NTRK2: variants seen among roughly 807,000 people sequenced by gnomAD.
NTRK2 encodes neurotrophic receptor tyrosine kinase 2, also known as BDNF/NT-3 growth factors receptor.
NTRK2 carries 13 observed loss-of-function variants against 94.5 expected under a neutral mutation model. That is an observed-to-expected ratio of 0.14 (90% CI 0.09 to 0.22). The LOEUF (loss-of-function observed/expected upper bound fraction) is 0.22, where lower values mean the gene tolerates loss of function less well. Among genes scored for constraint, NTRK2 ranks in the 10% least tolerant of loss-of-function variants. NTRK2 has a pLI of 1.00. For missense variants in NTRK2, 639 were observed against 1,071.2 expected, an observed-to-expected ratio of 0.60 and a Z score of 5.63; for synonymous variants, 372 against 407.4, an observed-to-expected ratio of 0.91 and a Z score of 1.05.
chr9:84,874,464 C>T (rs1007555137), intron 14 of NTRK2: 3 of 1,065,964 alleles, frequency 2.8e-6, no homozygotes, highest in Non-Finnish European at 2.3e-6. Context: ...GATTAATTGT[C>T]ATGCCAGGTC....
At chr9:84,945,544 C>G (rs1350480030) in intron 15 of NTRK2, among the ~76,000 whole-genome samples, 4 of 152,172 alleles carry the variant, frequency 2.6e-5, no homozygotes, top group African/African-American at 7.2e-5. Context: ...TATTTTTCTA[C>G]TGTGAAGTTC....
At chr9:84,677,367 T>C (rs2059123782) in intron 2 of NTRK2, among the ~76,000 whole-genome samples, 1 of 152,194 alleles carries the variant, frequency 6.6e-6, no homozygotes, top group Non-Finnish European at 1.5e-5. Flanking sequence ...TTCAGGATTA[T>C]TGGCTCCCAT....
chr9:84,856,621 G>C (rs1337557817), intron 12 of NTRK2, among the ~76,000 whole-genome samples: 1 of 152,156 alleles, frequency 6.6e-6, no homozygotes, highest in Non-Finnish European at 1.5e-5. Flanking sequence ...GCAGCCCGGG[G>C]ACTCCTCTTT....
rs199940453 is a variant in NTRK2 at position 85,020,166 on chromosome 9, G to A, written c.2173-40G>A. ...GCAGCTCCCTTCCACACCTGGTTTC[G>A]GGGTGACTGATGCCTCCCTGTTGAT... On this transcript the variant is annotated intron_variant, in intron 17 of 18. Transcript: ENST00000277120. The A allele has an allele frequency of 2.7e-5, 43 of 1,612,398 alleles. 1 individual carries two copies. Among genetic ancestry groups the A allele is most frequent in the Non-Finnish European group, 2.3e-5 (27 of 1,179,254 alleles).
At chr9:84,749,786 G>A (rs1373395286) in intron 11 of NTRK2, among the ~76,000 whole-genome samples, 1 of 152,186 alleles carries the variant, frequency 6.6e-6, no homozygotes, top group East Asian at 1.9e-4. Flanking sequence ...GCAGCAGAGT[G>A]AGAAATCTAG....
At chr9:84,875,481 C>A in intron 14 of NTRK2, 3 of 1,063,130 alleles carry the variant, frequency 2.8e-6, no homozygotes, top group Non-Finnish European at 3.4e-6. Context: ...CAGATAACTC[C>A]AAATGCAGTT....
At chr9:84,871,687 T>G (rs1203057517) in intron 14 of NTRK2, 1 of 971,148 alleles carries the variant, frequency 1.0e-6, no homozygotes, top group East Asian at 2.4e-5. Context: ...AGGGTTTCAT[T>G]TACAAAGTCC....
chr9:84,683,642 A>G (rs567580638), intron 2 of NTRK2, among the ~76,000 whole-genome samples: 10 of 152,308 alleles, frequency 6.6e-5, no homozygotes, highest in African/African-American at 2.4e-4. Context: ...ATAGTGCCGC[A>G]ATAAATATAT....
intron 14 of NTRK2, chr9:84,871,774 T>C (rs2075875560): frequency 3.7e-6 from 6 of 1,612,770 alleles, no homozygotes; most frequent in Non-Finnish European, 5.1e-6. Context: ...AGCAAGTCTG[T>C]CTACTTTATT....
chr9:84,746,357 A>C (rs2064071797), intron 11 of NTRK2, among the ~76,000 whole-genome samples: 1 of 152,088 alleles, frequency 6.6e-6, no homozygotes, highest in African/African-American at 2.4e-5. Context: ...TATGGTCTGC[A>C]AAGTGGAAAA....
chr9:84,810,483 T>A lies in NTRK2; in HGVS notation c.1397-50557T>A, dbSNP rs537026931. ...TTTGAAAGTTATTGTACTTGTATGT[T>A]AATTTTCATTGATTTTTCTTTTGAG... On this transcript the variant is annotated intron_variant, in intron 12 of 18. Transcript: ENST00000277120. 3 of 1,478,200 alleles carry A rather than the reference T, an allele frequency of 2.0e-6. No individual in the cohort carries two copies. In the African/African-American group the frequency reaches 4.1e-5, roughly 20 times the overall value. 91.6% of individuals were successfully genotyped at this position (1,478,200 alleles called of 1,614,324 possible).
intron 12 of NTRK2, among the ~76,000 whole-genome samples, chr9:84,823,941 T>C (rs974988689): frequency 1.1e-4 from 16 of 152,094 alleles, no homozygotes; most frequent in African/African-American, 3.6e-4. Context: ...GAGATGAGGA[T>C]TCATGTGCAA....
chr9:84,875,541 C>G (rs2076031342), intron 14 of NTRK2: 1 of 1,063,238 alleles, frequency 9.4e-7, no homozygotes, highest in Admixed American at 5.4e-5. Context: ...AGTTCTTCAC[C>G]CTAGCTAGCT....
intron 17 of NTRK2, among the ~76,000 whole-genome samples, chr9:85,010,332 T>C (rs1281571423): frequency 1.3e-5 from 2 of 152,236 alleles, no homozygotes; most frequent in Admixed American, 1.3e-4. Flanking sequence ...GGTTGCTTTT[T>C]CTCAGCACCT....
At chr9:84,929,753 G>A (rs754213711) in intron 14 of NTRK2, among the ~76,000 whole-genome samples, 1 of 152,064 alleles carries the variant, frequency 6.6e-6, no homozygotes, top group African/African-American at 2.4e-5. Flanking sequence ...ATAGAGACAG[G>A]GTTTCACCAC....
At chr9:84,922,822 G>A (rs1275937828) in intron 14 of NTRK2, among the ~76,000 whole-genome samples, 2 of 152,158 alleles carry the variant, frequency 1.3e-5, no homozygotes, top group Non-Finnish European at 2.9e-5. Flanking sequence ...TGATTAAATG[G>A]TAAATGAAGG....
intron 2 of NTRK2, among the ~76,000 whole-genome samples, chr9:84,687,848 C>G (rs1372380046): frequency 6.6e-6 from 1 of 151,972 alleles, no homozygotes; most frequent in East Asian, 1.9e-4. Flanking sequence ...TTTATATGGT[C>G]TGTTTCAAGG....
chr9:84,726,303 A>G (rs551462952), intron 8 of NTRK2, among the ~76,000 whole-genome samples: 2 of 152,332 alleles, frequency 1.3e-5, no homozygotes, highest in African/African-American at 4.8e-5. Context: ...TCTGGGCAAC[A>G]TGATGAAACC....
chr9:84,871,796 A>T, intron 14 of NTRK2: 2 of 1,613,638 alleles, frequency 1.2e-6, no homozygotes, highest in Non-Finnish European at 1.7e-6. Context: ...CAGGGCCCAG[A>T]GGTTCCCCCA....
Sources: allele counts gnomAD v4.1 joint callset (sites outside exome capture counted in the v4.1 genomes callset), GRCh38; gene constraint gnomAD v4.1.1; transcripts MANE v1.5; gene names NCBI Gene and HGNC (gene_info 2026-07-23, HGNC 2026-07-21).